Variants in ANAPC1 observed in about 807,000 individuals in gnomAD.
ANAPC1 encodes the protein anaphase promoting complex subunit 1.
In ANAPC1, 36 loss-of-function variants were observed where a neutral mutation model predicts 208.0. The observed-to-expected ratio is 0.17, with a 90% confidence interval of 0.13 to 0.23. The LOEUF (loss-of-function observed/expected upper bound fraction) is 0.23. ANAPC1 is among the 10% of genes least tolerant of loss of function. The probability of loss-of-function intolerance (pLI) is 1.00; values close to 1 mark genes in which losing one functional copy is unlikely to be tolerated. For missense variants in ANAPC1, 942 were observed against 2,011.6 expected (o/e 0.47, Z 10.17); for synonymous variants, 378 against 695.2 (o/e 0.54, Z 7.18).
chr2:111,835,604 C>T (rs1465990893), intron 18 of ANAPC1, among the ~76,000 whole-genome samples: 2 of 152,192 alleles, frequency 1.3e-5, no homozygotes, highest in Non-Finnish European at 1.5e-5. Context: ...TTTGGGAGGC[C>T]GAGGCGGGTG....
At chr2:111,802,928 C>G (rs1371216251) in intron 32 of ANAPC1, 1 of 221,788 alleles carries the variant, frequency 4.5e-6, no homozygotes, top group Non-Finnish European at 8.4e-6. Context: ...ACGTCTTGTA[C>G]TCAACTTATT....
intron 39 of ANAPC1, 52 bp from the exon 40 acceptor site, chr2:111,785,529 G>C: frequency 8.8e-7 from 1 of 1,142,370 alleles, no homozygotes; most frequent in Non-Finnish European, 1.3e-6. Context: ...GACAATATGA[G>C]CTCTGCAATC....
intron 3 of ANAPC1, among the ~76,000 whole-genome samples, chr2:111,873,991 T>A (rs1185551461): frequency 2.0e-5 from 3 of 151,816 alleles, no homozygotes; most frequent in Non-Finnish European, 4.4e-5. Flanking sequence ...CAGCAAAAAT[T>A]CAAATAGTAG....
rs184084217 is a variant in ANAPC1, at chr2:111,836,299, A to C, written c.2116-1427T>G. Among the ~76,000 whole-genome samples the C allele has an allele frequency of 2.2e-3, 335 of 152,060 alleles. 1 individual carries two copies. The highest frequency in any genetic ancestry group is 7.9e-3 in the African/African-American group (326 of 41,508). ...CGTGAATTTTCATTTAAAAGAAATT[A>C]AATTAAAAGAAATTAAAATTACAGA... On this transcript the variant is annotated intron_variant, in intron 18 of 47. Transcript: ENST00000341068.
chr2:111,862,640 G>T (rs1358347923), intron 9 of ANAPC1, 42 bp from the exon 10 acceptor site: 3 of 1,593,254 alleles, frequency 1.9e-6, no homozygotes, highest in East Asian at 2.3e-5. Context: ...CAGTTAGCAA[G>T]GCAGGCTTAT....
intron 26 of ANAPC1, 40 bp downstream of exon 26, chr2:111,821,199 A>G (rs1679513377): frequency 1.9e-6 from 3 of 1,595,694 alleles, no homozygotes; most frequent in Non-Finnish European, 2.6e-6. Flanking sequence ...AAATGTAACA[A>G]TGAAACATGA....
intron 3 of ANAPC1, among the ~76,000 whole-genome samples, chr2:111,873,992 C>T (rs894306208): frequency 1.3e-5 from 2 of 152,018 alleles, no homozygotes; most frequent in East Asian, 3.9e-4. Flanking sequence ...AGCAAAAATT[C>T]AAATAGTAGC....
intron 46 of ANAPC1, among the ~76,000 whole-genome samples, chr2:111,773,119 C>T (rs1676834064): frequency 6.6e-6 from 1 of 152,278 alleles, no homozygotes; most frequent in African/African-American, 2.4e-5. Flanking sequence ...CAGACCCAGG[C>T]CATTTTTTCA....
chr2:111,868,816 A>G (rs1485959219), intron 6 of ANAPC1, among the ~76,000 whole-genome samples: 1 of 152,172 alleles, frequency 6.6e-6, no homozygotes, highest in Non-Finnish European at 1.5e-5. Context: ...TACAGGCGTG[A>G]GCCACCACAC....
intron 18 of ANAPC1, among the ~76,000 whole-genome samples, chr2:111,837,634 A>C (rs1680541453): frequency 6.6e-6 from 1 of 151,584 alleles, no homozygotes; most frequent in South Asian, 2.1e-4. Context: ...CCACACAAGG[A>C]AATTTTATGG....
At chr2:111,846,518 C>CAT (rs1293337408) in intron 16 of ANAPC1, among the ~76,000 whole-genome samples, 3 of 127,734 alleles carry the variant, frequency 2.3e-5, no homozygotes, top group Non-Finnish European at 4.8e-5. Context: ...GAGGCATGTC[C>CAT]ATATATATAC....
intron 47 of ANAPC1, among the ~76,000 whole-genome samples, chr2:111,771,980 T>C (rs548766117): frequency 1.1e-4 from 17 of 149,620 alleles, no homozygotes; most frequent in African/African-American, 4.2e-4. Context: ...AGCTTTGTAA[T>C]ATTAGAAATT....
At chr2:111,878,729 A>G (rs534093838) in intron 3 of ANAPC1, 81 bp downstream of exon 3, 2 of 1,579,794 alleles carry the variant, frequency 1.3e-6, no homozygotes, top group South Asian at 1.2e-5. Context: ...TGGTTTTATC[A>G]TTTCTGTTAA....
At chr2:111,848,007 A>G (rs1681187242) in intron 14 of ANAPC1, 142 bp from the exon 15 acceptor site, 5 of 552,598 alleles carry the variant, frequency 9.0e-6, no homozygotes, top group Non-Finnish European at 1.6e-5. Flanking sequence ...CAAGCCAAGC[A>G]TGGTGGTGCA....
intron 34 of ANAPC1, among the ~76,000 whole-genome samples, chr2:111,800,076 G>C (rs1678364466): frequency 1.1e-5 from 1 of 87,304 alleles, no homozygotes; most frequent in Admixed American, 1.2e-4. Context: ...TTACTGTTTG[G>C]AACTAACATT....
chr2:111,882,898 T>G (rs1280742633), intron 1 of ANAPC1, among the ~76,000 whole-genome samples: 1 of 152,012 alleles, frequency 6.6e-6, no homozygotes, highest in Admixed American at 6.6e-5. Flanking sequence ...CAGGGCGTGG[T>G]GGCTCACGCC....
At chr2:111,866,931 G>C (rs1414809441) in intron 7 of ANAPC1, among the ~76,000 whole-genome samples, 1 of 152,120 alleles carries the variant, frequency 6.6e-6, no homozygotes, top group Non-Finnish European at 1.5e-5. Flanking sequence ...AAATAGGGCA[G>C]TTTGCTGTCC....
chr2:111,832,120 C>T (rs372208620), intron 20 of ANAPC1, among the ~76,000 whole-genome samples: 2 of 149,212 alleles, frequency 1.3e-5, no homozygotes, highest in African/African-American at 4.9e-5. Flanking sequence ...TGGTGAAACC[C>T]CATCACTACT....
rs1442297345 is a variant in ANAPC1 at position 111,825,301 on chromosome 2, T to C, written c.2705-134A>G. ...AAAAAAAATAAAATAAGCAATACTG[T>C]GGCAGGCTGAAAAGTACAGTCAAGG... On this transcript the variant is annotated intron_variant, in intron 22 of 47. Coordinates refer to ENST00000341068, the MANE Select transcript of ANAPC1 (RefSeq NM_022662.4). The C allele has an allele frequency of 8.4e-6, 11 of 1,302,260 alleles. No individual in the cohort carries two copies. The African/African-American group carries it at 1.5e-4, about 18-fold the overall frequency. The allele number at this position is 1,302,260 out of a possible 1,614,324, so 80.7% of individuals were successfully genotyped here.
Sources: gnomAD v4.1 joint callset for allele counts (sites outside exome capture counted in the v4.1 genomes callset) on GRCh38, gnomAD v4.1.1 for gene constraint, MANE v1.5 for transcripts, NCBI Gene and HGNC (gene_info 2026-07-23, HGNC 2026-07-21) for gene names.